SENP7: variants seen among roughly 807,000 people sequenced by gnomAD.
The protein encoded by SENP7 is SUMO specific peptidase 7.
In SENP7, 64 loss-of-function variants were observed where a neutral mutation model predicts 141.2. The observed-to-expected ratio is 0.45, with a 90% CI of 0.37 to 0.56. SENP7 has a LOEUF of 0.56. Ranked by LOEUF, SENP7 falls within the 20% of genes least tolerant of loss-of-function variation. SENP7 has a pLI of 0.00. For synonymous variants in SENP7, 382 were observed against 426.4 expected (o/e 0.90, Z 1.28); for missense variants, 1,025 against 1,212.2 (o/e 0.85, Z 2.29).
At chr3:101,398,269 C>G (rs2061028647) in intron 6 of SENP7, among the ~76,000 whole-genome samples, 1 of 152,124 alleles carries the variant, frequency 6.6e-6, no homozygotes, top group Non-Finnish European at 1.5e-5. Flanking sequence ...ACCATCCTGG[C>G]TAACACGGTG....
At chr3:101,461,785 CA>C (rs1168189283) in intron 3 of SENP7, among the ~76,000 whole-genome samples, 2 of 151,940 alleles carry the variant, frequency 1.3e-5, no homozygotes, top group Non-Finnish European at 2.9e-5. Flanking sequence ...AACAGATAAA[CA>C]AATGTGATAT....
intron 4 of SENP7, among the ~76,000 whole-genome samples, chr3:101,453,732 G>A (rs2063244129): frequency 6.6e-6 from 1 of 152,040 alleles, no homozygotes; most frequent in Non-Finnish European, 1.5e-5. Context: ...GGGGGCAGGG[G>A]GGAGGAATAG....
intron 4 of SENP7, among the ~76,000 whole-genome samples, chr3:101,452,780 A>C (rs546069577): frequency 6.6e-6 from 1 of 152,350 alleles, no homozygotes; most frequent in Admixed American, 6.5e-5. Flanking sequence ...AAACCTAGGC[A>C]ATATCATTCA....
At chr3:101,369,342 T>C (rs559219244) in intron 7 of SENP7, among the ~76,000 whole-genome samples, 2 of 152,312 alleles carry the variant, frequency 1.3e-5, no homozygotes, top group South Asian at 2.1e-4. Flanking sequence ...TTCAACACCA[T>C]ACATCTTCTC....
At chr3:101,493,042 T>C (rs914933047) in intron 3 of SENP7, among the ~76,000 whole-genome samples, 15 of 152,108 alleles carry the variant, frequency 9.9e-5, no homozygotes, top group African/African-American at 3.1e-4. Flanking sequence ...GTGGTACATA[T>C]ACACCACAGA....
intron 3 of SENP7, among the ~76,000 whole-genome samples, chr3:101,476,769 C>T (rs1159808776): frequency 2.0e-5 from 3 of 152,126 alleles, no homozygotes; most frequent in Non-Finnish European, 4.4e-5. Context: ...TCTGTTGTTT[C>T]CTGAGTTTTT....
intron 3 of SENP7, among the ~76,000 whole-genome samples, chr3:101,478,031 C>G (rs1290660533): frequency 6.6e-6 from 1 of 151,286 alleles, no homozygotes; most frequent in Admixed American, 6.6e-5. Flanking sequence ...TAAACAAAAT[C>G]AGAAATGAAA....
intron 1 of SENP7, among the ~76,000 whole-genome samples, chr3:101,505,240 T>C (rs1181336960): frequency 2.6e-5 from 4 of 152,092 alleles, no homozygotes; most frequent in Non-Finnish European, 5.9e-5. Flanking sequence ...ACTTAATGGG[T>C]ACAATGTACA....
intron 3 of SENP7, among the ~76,000 whole-genome samples, chr3:101,470,497 A>G (rs57880921): frequency 0.21 from 31,996 of 152,156 alleles, 3,573 homozygotes; most frequent in Non-Finnish European, 0.24. Context: ...AATGGAACGT[A>G]TCTCAAAATA....
intron 1 of SENP7, among the ~76,000 whole-genome samples, chr3:101,509,601 T>A (rs1228840375): frequency 6.6e-6 from 1 of 152,250 alleles, no homozygotes; most frequent in Non-Finnish European, 1.5e-5. Flanking sequence ...TTCATTCCAA[T>A]GACTTCAACT....
chr3:101,462,277 C>G (rs2063570467), intron 3 of SENP7, among the ~76,000 whole-genome samples: 1 of 152,202 alleles, frequency 6.6e-6, no homozygotes, highest in Non-Finnish European at 1.5e-5. Context: ...TACAGTGGCT[C>G]ACACCTGTAA....
At chr3:101,346,036 T>C (rs2059445626) in intron 13 of SENP7, among the ~76,000 whole-genome samples, 1 of 152,140 alleles carries the variant, frequency 6.6e-6, no homozygotes, top group South Asian at 2.1e-4. Context: ...AAAGGACTAA[T>C]ATTCAGAATC....
At chr3:101,411,942 C>T (rs1333906752) in intron 5 of SENP7, among the ~76,000 whole-genome samples, 3 of 152,102 alleles carry the variant, frequency 2.0e-5, no homozygotes, top group African/African-American at 7.2e-5. Flanking sequence ...GAAGTAGTAT[C>T]ATTTTCTGAC....
chr3:101,444,998 T>A (rs767116582), intron 4 of SENP7, among the ~76,000 whole-genome samples: 2 of 152,062 alleles, frequency 1.3e-5, no homozygotes, highest in Admixed American at 6.5e-5. Flanking sequence ...TTTTACCAAA[T>A]AGATTCAATC....
intron 13 of SENP7, chr3:101,347,224 AC>A (rs2059486875): frequency 6.6e-6 from 1 of 152,188 alleles, no homozygotes; most frequent in African/African-American, 2.4e-5. Context: ...TCTGTCTCAA[AC>A]AAAAAGAAAA....
chr3:101,424,513 A>G (rs2061893371), intron 4 of SENP7, among the ~76,000 whole-genome samples: 1 of 151,942 alleles, frequency 6.6e-6, no homozygotes, highest in South Asian at 2.1e-4. Flanking sequence ...CCCTGGAAGT[A>G]CCTCACCCTT....
chr3:101,341,860 A>G, intron 14 of SENP7, 81 bp from the exon 15 acceptor site: 1 of 1,381,602 alleles, frequency 7.2e-7, no homozygotes, highest in Non-Finnish European at 9.7e-7. Context: ...CGTGTGAGAG[A>G]AAATGTGACT....
intron 3 of SENP7, among the ~76,000 whole-genome samples, chr3:101,463,616 A>T (rs1295347572): frequency 6.6e-6 from 1 of 151,398 alleles, no homozygotes; most frequent in East Asian, 1.9e-4. Context: ...AGTAATACCA[A>T]ACCTGCAATC....
At chr3:101,463,799 T>C (rs144409077) in intron 3 of SENP7, among the ~76,000 whole-genome samples, 45 of 152,044 alleles carry the variant, frequency 3.0e-4, no homozygotes, top group African/African-American at 9.9e-4. Context: ...AAAAACTTCA[T>C]TTATTTATTT....
Sources: gnomAD v4.1 joint callset for allele counts (sites outside exome capture counted in the v4.1 genomes callset) on GRCh38, gnomAD v4.1.1 for gene constraint, MANE v1.5 for transcripts, NCBI Gene and HGNC (gene_info 2026-07-23, HGNC 2026-07-21) for gene names.